The following PCBP3 variants were observed in gnomAD, a reference collection of about 807,000 sequenced individuals.
PCBP3 encodes poly(rC)-binding protein 3.
A neutral mutation model predicts 52.7 loss-of-function variants in PCBP3; 25 were observed. The observed-to-expected ratio is 0.47, with a 90% CI of 0.35 to 0.66. The LOEUF (loss-of-function observed/expected upper bound fraction) is 0.66. Among genes scored for constraint, PCBP3 ranks in the 30% least tolerant of loss-of-function variants. PCBP3 has a pLI of 0.01. For missense variants in PCBP3, 391 were observed against 490.3 expected (o/e 0.80, Z 1.91); for synonymous variants, 162 against 183.0 (o/e 0.89, Z 0.93).
At chr21:45,766,199 T>A (rs1416968468) in intron 4 of PCBP3, among the ~76,000 whole-genome samples, 2 of 152,148 alleles carry the variant, frequency 1.3e-5, no homozygotes, top group Non-Finnish European at 2.9e-5. Flanking sequence ...GCCGCTGGAG[T>A]GGCTGGCCAC....
At chr21:45,757,202 C>A (rs1268094377) in intron 4 of PCBP3, among the ~76,000 whole-genome samples, 1 of 152,188 alleles carries the variant, frequency 6.6e-6, no homozygotes, top group Non-Finnish European at 1.5e-5. Flanking sequence ...TCTTCTATTT[C>A]TTTATGGTAC....
intron 2 of PCBP3, among the ~76,000 whole-genome samples, chr21:45,669,839 A>ATATC (rs2081063108): frequency 8.1e-6 from 1 of 123,918 alleles, no homozygotes; most frequent in Non-Finnish European, 1.7e-5. Context: ...ATATATATAT[A>ATATC]TATATATCAC....
chr21:45,929,181 C>T (rs572966982), intron 13 of PCBP3, among the ~76,000 whole-genome samples: 1 of 152,268 alleles, frequency 6.6e-6, no homozygotes, highest in African/African-American at 2.4e-5. Flanking sequence ...TCTTGTGGCC[C>T]GAGGATGGGA....
intron 2 of PCBP3, among the ~76,000 whole-genome samples, chr21:45,695,650 C>T (rs1265415467): frequency 6.6e-6 from 1 of 152,016 alleles, no homozygotes; most frequent in Non-Finnish European, 1.5e-5. Context: ...ATAGTTAATC[C>T]CTTTTACTAG....
chr21:45,748,900 C>T (rs533112613), intron 3 of PCBP3, among the ~76,000 whole-genome samples: 21 of 152,338 alleles, frequency 1.4e-4, no homozygotes, highest in African/African-American at 4.6e-4. Flanking sequence ...CGGCTAGGTT[C>T]CTTCCCTCTC....
chr21:45,793,067 TGGG>T (rs1363317268), intron 4 of PCBP3, among the ~76,000 whole-genome samples: 1 of 152,090 alleles, frequency 6.6e-6, no homozygotes, highest in Non-Finnish European at 1.5e-5. Context: ...GCCAACAAGC[TGGG>T]AACCACAGCA....
intron 5 of PCBP3, among the ~76,000 whole-genome samples, chr21:45,875,260 C>T (rs1445532793): frequency 6.6e-6 from 1 of 151,912 alleles, no homozygotes; most frequent in Non-Finnish European, 1.5e-5. Context: ...CGCGCTCCGG[C>T]TGACTCACTG....
chr21:45,913,367 G>T (rs1295229545), intron 11 of PCBP3, among the ~76,000 whole-genome samples: 1 of 147,198 alleles, frequency 6.8e-6, no homozygotes, highest in Non-Finnish European at 1.5e-5. Flanking sequence ...CTGTCACCAC[G>T]GGCCAAGCCA....
chr21:45,819,697 C>T (rs2093071487), intron 4 of PCBP3, among the ~76,000 whole-genome samples: 1 of 152,262 alleles, frequency 6.6e-6, no homozygotes, highest in Non-Finnish European at 1.5e-5. Context: ...GGGGACTGTA[C>T]TTGGCCTTTT....
chr21:45,866,883 AGTC>A (rs1014413568), intron 5 of PCBP3, among the ~76,000 whole-genome samples: 1 of 152,164 alleles, frequency 6.6e-6, no homozygotes, highest in African/African-American at 2.4e-5. Flanking sequence ...GGTCGGGGAC[AGTC>A]GTCAGAAGGA....
chr21:45,763,887 C>G (rs112034475), intron 4 of PCBP3: 1,895 of 152,376 alleles, frequency 0.012, 21 homozygotes, highest in Non-Finnish European at 0.018. Context: ...CTAGGTTGAT[C>G]ACTGGGTCAT....
At chr21:45,909,297 CCTG>C (rs1194243663) in intron 9 of PCBP3, 55 bp from the exon 10 acceptor site, 3 of 1,568,248 alleles carry the variant, frequency 1.9e-6, no homozygotes, top group African/African-American at 2.7e-5. Flanking sequence ...CCCCTGCCCT[CCTG>C]CTTTCTCACT....
chr21:45,691,295 A>G (rs1478660879), intron 2 of PCBP3, among the ~76,000 whole-genome samples: 1 of 151,006 alleles, frequency 6.6e-6, no homozygotes, highest in Non-Finnish European at 1.5e-5. Context: ...ATAATTGCCC[A>G]GACTGGAAGG....
At chr21:45,748,861 T>G (rs8129304) in intron 3 of PCBP3, among the ~76,000 whole-genome samples, 104,818 of 152,140 alleles carry the variant, frequency 0.69, 37,502 homozygotes, top group African/African-American at 0.88. Flanking sequence ...TTCTGCTTCC[T>G]GCTTCTCTCC....
chr21:45,804,237 T>C (rs2092416168), intron 4 of PCBP3, among the ~76,000 whole-genome samples: 1 of 152,228 alleles, frequency 6.6e-6, no homozygotes, highest in Admixed American at 6.5e-5. Flanking sequence ...CTCTGGCGTG[T>C]TCACAGTACT....
At chr21:45,794,347 T>C (rs1335717757) in intron 4 of PCBP3, among the ~76,000 whole-genome samples, 1 of 152,024 alleles carries the variant, frequency 6.6e-6, no homozygotes, top group African/African-American at 2.4e-5. Flanking sequence ...GCCGAGGAGT[T>C]TGGGGCTATA....
At chr21:45,939,613 G>A (rs549693515) in intron 16 of PCBP3, among the ~76,000 whole-genome samples, 2 of 152,362 alleles carry the variant, frequency 1.3e-5, no homozygotes, top group African/African-American at 4.8e-5. Flanking sequence ...GGGTCTCCCT[G>A]GGATGTGGCC....
intron 3 of PCBP3, among the ~76,000 whole-genome samples, chr21:45,739,551 A>C (rs1603358333): frequency 5.9e-5 from 6 of 102,352 alleles, no homozygotes; most frequent in Non-Finnish European, 9.4e-5. Context: ...TCCCTTCTTC[A>C]TCAGCCCATC....
chr21:45,870,708 C>T (rs1216697109), intron 5 of PCBP3: 4 of 152,600 alleles, frequency 2.6e-5, no homozygotes, highest in Non-Finnish European at 5.9e-5. Context: ...TGCCCACCGC[C>T]TGCCACGCGA....
Sources: gnomAD v4.1 joint callset for allele counts (sites outside exome capture counted in the v4.1 genomes callset) on GRCh38, gnomAD v4.1.1 for gene constraint, MANE v1.5 for transcripts, NCBI Gene and HGNC (gene_info 2026-07-23, HGNC 2026-07-21) for gene names.